Variants in TRAF3IP1 observed in about 807,000 individuals in gnomAD.
TRAF3IP1 encodes the protein intraflagellar transport 54, also known as TRAF3-interacting protein 1.
In TRAF3IP1, 53 loss-of-function variants were observed where a neutral mutation model predicts 89.9. The ratio of observed to expected loss-of-function variants is 0.59; its 90% CI spans 0.47 to 0.74. TRAF3IP1 has a LOEUF of 0.74. Ranked by LOEUF, TRAF3IP1 falls within the 30% of genes least tolerant of loss-of-function variation. TRAF3IP1 has a pLI of 0.00. For synonymous variants in TRAF3IP1, 311 were observed against 322.1 expected, an observed-to-expected ratio of 0.97 and a Z score of 0.37; for missense variants, 806 against 866.1, an observed-to-expected ratio of 0.93 and a Z score of 0.87.
Position 238,351,901 on chromosome 2 carries a change from GTA to G in TRAF3IP1, c.1452-924_1452-923del, listed in dbSNP as rs1303755525. On this transcript the variant is annotated intron_variant, in intron 12 of 16. Coordinates refer to ENST00000373327, the MANE Select transcript of TRAF3IP1 (RefSeq NM_015650.4). This position sits in a 1 kb window ranked among gnomAD's most constrained non-coding sequence, Gnocchi z 5.2. Reference sequence around the variant, plus strand: ...CGCGTGTGCGTGCATGTGCTTGTGTGTATGCGTGTGTGTGTGTGTGTGTGTGT... The same window carrying G: ...CGCGTGTGCGTGCATGTGCTTGTGTGTGCGTGTGTGTGTGTGTGTGTGTGT... Among the ~76,000 whole-genome samples, 45 of 150,710 alleles carry G rather than the reference GTA, an allele frequency of 3.0e-4. No homozygotes were observed. The highest frequency in any genetic ancestry group is 1.1e-3 in the African/African-American group (45 of 41,116).
chr2:238,375,772 C>A (rs1022640736), intron 15 of TRAF3IP1, among the ~76,000 whole-genome samples: 1 of 152,064 alleles, frequency 6.6e-6, no homozygotes, highest in South Asian at 2.1e-4. Context: ...TTTGGCGAGT[C>A]GGTTAAGAAA....
chr2:238,377,487 T>G (rs1182446211), intron 15 of TRAF3IP1, among the ~76,000 whole-genome samples: 1 of 152,162 alleles, frequency 6.6e-6, no homozygotes, highest in Non-Finnish European at 1.5e-5. Flanking sequence ...GAGATGATTC[T>G]ATTATATTCC....
chr2:238,335,624 A>G (rs565628704), intron 7 of TRAF3IP1, among the ~76,000 whole-genome samples: 17 of 152,296 alleles, frequency 1.1e-4, no homozygotes, highest in African/African-American at 4.1e-4. Flanking sequence ...CTTGTGTTAA[A>G]TATATGCTTT....
At chr2:238,380,927 G>A (rs1700519440) in intron 15 of TRAF3IP1, among the ~76,000 whole-genome samples, 1 of 152,116 alleles carries the variant, frequency 6.6e-6, no homozygotes, top group Non-Finnish European at 1.5e-5. Context: ...TCCTTCCTGG[G>A]AATATCTTCC....
At chr2:238,363,530 T>G (rs1486260918) in intron 15 of TRAF3IP1, among the ~76,000 whole-genome samples, 2 of 152,208 alleles carry the variant, frequency 1.3e-5, no homozygotes, top group Non-Finnish European at 2.9e-5. Context: ...TTATTTGGAA[T>G]TGATGAGACT....
chr2:238,364,813 G>A (rs866623511), intron 15 of TRAF3IP1, among the ~76,000 whole-genome samples: 3 of 152,032 alleles, frequency 2.0e-5, no homozygotes, highest in Admixed American at 6.6e-5. Context: ...GCCTTGTTCT[G>A]GGACTGCTAG....
At chr2:238,376,881 C>T (rs1163286928) in intron 15 of TRAF3IP1, among the ~76,000 whole-genome samples, 1 of 152,206 alleles carries the variant, frequency 6.6e-6, no homozygotes, top group African/African-American at 2.4e-5. Flanking sequence ...TGTGCAGGCT[C>T]TGTTCTAAGA....
chr2:238,393,605 GTTTT>G (rs1292654394), intron 15 of TRAF3IP1, among the ~76,000 whole-genome samples: 1 of 152,052 alleles, frequency 6.6e-6, no homozygotes, highest in Non-Finnish European at 1.5e-5. Context: ...TTCCTCCTGT[GTTTT>G]TTATCTTAAA....
At chr2:238,344,787 A>G in intron 9 of TRAF3IP1, 189 bp downstream of exon 9, 1 of 687,970 alleles carries the variant, frequency 1.5e-6, no homozygotes, top group Non-Finnish European at 2.6e-6. Context: ...TCTTGATAGC[A>G]TGGGACCCAC....
Position 238,400,821 on chromosome 2 carries a change from T to C in TRAF3IP1, c.*1902T>C, listed in dbSNP as rs1701428455. On this transcript the variant is annotated 3_prime_UTR_variant, in exon 17 of 17. Transcript: ENST00000373327. ...TATGTAAGTAAAATTTTTTATGAAGTAGTCTGTCAAATTGTATCATAAAGT... is the reference window on the plus strand; with the variant it reads ...TATGTAAGTAAAATTTTTTATGAAGCAGTCTGTCAAATTGTATCATAAAGT... 1 of 152,220 alleles carries C rather than the reference T, an allele frequency of 6.6e-6. No individual in the cohort carries two copies. 9.4% of individuals were successfully genotyped at this position (152,220 alleles called of 1,614,324 possible). A position where few individuals can be genotyped will look rare whatever the true frequency, so the allele number is the denominator to read the frequency against.
At chr2:238,352,502 C>T (rs1472625162) in intron 12 of TRAF3IP1, among the ~76,000 whole-genome samples, 3 of 151,962 alleles carry the variant, frequency 2.0e-5, no homozygotes, top group Non-Finnish European at 1.5e-5. Context: ...GGCGGAGGCC[C>T]TGAGGGTCTT....
intron 14 of TRAF3IP1, among the ~76,000 whole-genome samples, chr2:238,353,729 C>T (rs1045685825): frequency 2.0e-5 from 3 of 152,020 alleles, no homozygotes; most frequent in African/African-American, 7.2e-5. Context: ...GTAACGAGGG[C>T]TTGTTGGTTT....
chr2:238,399,038 TATC>T lies in TRAF3IP1; in HGVS notation c.*120_*122del. 1 of 905,314 alleles carries T rather than the reference TATC, an allele frequency of 1.1e-6. No individual in the cohort carries two copies. The highest frequency in any genetic ancestry group is 1.6e-6 in the Non-Finnish European group (1 of 622,424). The allele number at this position is 905,314 out of a possible 1,614,324, so 56.1% of individuals were successfully genotyped here. A position where few individuals can be genotyped will look rare whatever the true frequency, so the allele number is the denominator to read the frequency against. ...GAAAATGAACAGTTTACAATGTTAT[TATC>T]CAGCTAATTTTCAGAGCTTTAAAAC... On this transcript the variant is annotated 3_prime_UTR_variant, in exon 17 of 17. Transcript: ENST00000373327.
intron 1 of TRAF3IP1, among the ~76,000 whole-genome samples, chr2:238,321,294 C>T (rs938890330): frequency 2.0e-5 from 3 of 152,238 alleles, no homozygotes; most frequent in Non-Finnish European, 4.4e-5. Context: ...CTTGCAGAAC[C>T]CCTCTCGCTT....
Position 238,329,279 on chromosome 2 carries a change from CG to C in TRAF3IP1, c.856del (p.Glu286SerfsTer55). On this transcript the variant is annotated frameshift_variant, in exon 5 of 17. Coordinates refer to ENST00000373327, the MANE Select transcript of TRAF3IP1 (RefSeq NM_015650.4). LOFTEE classifies it high-confidence loss of function. ...KDRDRRRVKNGEHSWDLDREK... is the reference protein window; with the variant it reads ...KDRDRRRVKNXEHSWDLDREK... Reference sequence around the variant, plus strand: ...ACAGGGACAGACGGAGAGTGAAAAACGGGGAGCACTCCTGGGACCTGGACAG... The same window carrying C: ...ACAGGGACAGACGGAGAGTGAAAAACGGGAGCACTCCTGGGACCTGGACAG... 6.7e-7 allele frequency: 1 copy of C among 1,485,718 alleles called. No individual in the cohort carries two copies. Among genetic ancestry groups the C allele is most frequent in the Non-Finnish European group, 8.9e-7 (1 of 1,118,436 alleles). 92.0% of individuals were successfully genotyped at this position (1,485,718 alleles called of 1,614,324 possible). A position where few individuals can be genotyped will look rare whatever the true frequency, so the allele number is the denominator to read the frequency against.
chr2:238,338,286 T>C, intron 7 of TRAF3IP1, 76 bp from the exon 8 acceptor site: 1 of 912,148 alleles, frequency 1.1e-6, no homozygotes, highest in South Asian at 1.8e-5. Context: ...ATGTAACCCT[T>C]ATAAATCCCA....
intron 15 of TRAF3IP1, among the ~76,000 whole-genome samples, chr2:238,373,255 T>C (rs1394880975): frequency 6.6e-6 from 1 of 152,250 alleles, no homozygotes; most frequent in Admixed American, 6.5e-5. Flanking sequence ...CTAGGGTTTT[T>C]ATGGTGTTAG....
chr2:238,382,983 T>C (rs1310795335), intron 15 of TRAF3IP1, among the ~76,000 whole-genome samples: 1 of 152,126 alleles, frequency 6.6e-6, no homozygotes, highest in East Asian at 1.9e-4. Context: ...TTATCGCCCA[T>C]AGGATCAAGT....
rs776957067 is a variant in TRAF3IP1 at position 238,329,195 on chromosome 2, GA to G, written c.771del (p.Glu258ArgfsTer5). 6 of 1,569,326 alleles carry G rather than the reference GA, an allele frequency of 3.8e-6. No individual in the cohort carries two copies. Among genetic ancestry groups the G allele is most frequent in the South Asian group, 1.2e-5 (1 of 84,062 alleles). On this transcript the variant is annotated frameshift_variant, in exon 5 of 17. Coordinates refer to ENST00000373327, the MANE Select transcript of TRAF3IP1 (RefSeq NM_015650.4). LOFTEE classifies it high-confidence loss of function. ...KETERKSEGGKEKERLRDRDR... is the reference protein window; with the variant it reads ...KETERKSEGGXEKERLRDRDR... Reference sequence around the variant, plus strand: ...AGACAGAGAGAAAGAGTGAGGGGGGGAAAGAGAAGGAGAGACTGAGAGACAG... The same window carrying G: ...AGACAGAGAGAAAGAGTGAGGGGGGGAAGAGAAGGAGAGACTGAGAGACAG...
Sources: allele counts gnomAD v4.1 joint callset (sites outside exome capture counted in the v4.1 genomes callset), GRCh38; gene constraint gnomAD v4.1.1; non-coding constraint Gnocchi (gnomAD v3.1); transcripts MANE v1.5; gene names NCBI Gene and HGNC (gene_info 2026-07-23, HGNC 2026-07-21).